ZSWIM5: variants seen among roughly 807,000 people sequenced by gnomAD.
ZSWIM5 encodes zinc finger SWIM domain-containing protein 5.
A neutral mutation model predicts 119.6 loss-of-function variants in ZSWIM5; 55 were observed. That is an observed-to-expected ratio of 0.46 (90% CI 0.37 to 0.58). The LOEUF (loss-of-function observed/expected upper bound fraction) is 0.58, where lower values mean the gene tolerates loss of function less well. Ranked by LOEUF, ZSWIM5 falls within the 20% of genes least tolerant of loss-of-function variation. The pLI is 0.00. For missense variants in ZSWIM5, 1,193 were observed against 1,512.8 expected, an observed-to-expected ratio of 0.79 and a Z score of 3.51; for synonymous variants, 537 against 606.9, an observed-to-expected ratio of 0.88 and a Z score of 1.69.
At chr1:45,032,685 C>T (rs1644960127) in intron 11 of ZSWIM5, among the ~76,000 whole-genome samples, 1 of 151,648 alleles carries the variant, frequency 6.6e-6, no homozygotes, top group Non-Finnish European at 1.5e-5. Flanking sequence ...AGGGGTTTCA[C>T]CATGTTGGCC....
At position 45,113,443 on chromosome 1, in the gene ZSWIM5, A is replaced by G. The variant is rs145710846; in HGVS notation, c.596-25206T>C. ...GGCCTCAAACTCCTGGGCTCAAGCA[A>G]TCCTCCCACCTCAGCCTCCTAAGTA... On this transcript the variant is annotated intron_variant, in intron 1 of 13. Transcript: ENST00000359600. Among the ~76,000 whole-genome samples the G allele has an allele frequency of 7.3e-3, 1,109 of 152,286 alleles. 12 individuals carry two copies. Among genetic ancestry groups the G allele is most frequent in the African/African-American group, 0.026 (1,075 of 41,550 alleles).
rs1350188517 is a variant in ZSWIM5 at position 45,049,644 on chromosome 1, T to C, written c.1432+1430A>G. Among the ~76,000 whole-genome samples the C allele has an allele frequency of 2.6e-5, 4 of 152,218 alleles. No homozygotes were observed. In the East Asian group the frequency reaches 7.8e-4, roughly 30 times the overall value. On this transcript the variant is annotated intron_variant, in intron 5 of 13. Coordinates refer to ENST00000359600, the MANE Select transcript of ZSWIM5 (RefSeq NM_020883.2). Reference sequence around the variant, plus strand: ...GCCTGGCCAATATGGTGAAACCCTGTATCTACTAAATATACAAAAATTAGC... The same window carrying C: ...GCCTGGCCAATATGGTGAAACCCTGCATCTACTAAATATACAAAAATTAGC...
At chr1:45,090,445 T>A (rs527797958) in intron 1 of ZSWIM5, among the ~76,000 whole-genome samples, 1 of 152,116 alleles carries the variant, frequency 6.6e-6, no homozygotes, top group South Asian at 2.1e-4. Flanking sequence ...AGGTAAAGAC[T>A]ACCTTCACTT....
chr1:45,099,697 A>G (rs1437290781), intron 1 of ZSWIM5, among the ~76,000 whole-genome samples: 3 of 152,224 alleles, frequency 2.0e-5, no homozygotes, highest in Non-Finnish European at 4.4e-5. Context: ...AAGCTTATCT[A>G]CCATGATCAA....
chr1:45,155,322 T>C (rs1230231459), intron 1 of ZSWIM5, among the ~76,000 whole-genome samples: 1 of 151,970 alleles, frequency 6.6e-6, no homozygotes, highest in East Asian at 1.9e-4. Flanking sequence ...AAAACCACAA[T>C]GCAATACCAC....
intron 2 of ZSWIM5, among the ~76,000 whole-genome samples, chr1:45,085,107 A>T (rs566007888): frequency 4.3e-4 from 65 of 152,206 alleles, no homozygotes; most frequent in African/African-American, 1.3e-3. Flanking sequence ...TCAACTCTTG[A>T]CCTCTGTGCT....
At chr1:45,102,633 G>A (rs1268596954) in intron 1 of ZSWIM5, among the ~76,000 whole-genome samples, 2 of 152,102 alleles carry the variant, frequency 1.3e-5, no homozygotes, top group Non-Finnish European at 2.9e-5. Context: ...GTGTATGGAT[G>A]AATGAATAAA....
intron 1 of ZSWIM5, among the ~76,000 whole-genome samples, chr1:45,150,666 TCTA>T (rs1201561075): frequency 1.3e-5 from 2 of 152,222 alleles, no homozygotes; most frequent in East Asian, 1.9e-4. Context: ...CATTTACATT[TCTA>T]CTATTACTCT....
chr1:45,199,912 T>G (rs973693549), intron 1 of ZSWIM5, among the ~76,000 whole-genome samples: 1 of 152,178 alleles, frequency 6.6e-6, no homozygotes, highest in Non-Finnish European at 1.5e-5. Flanking sequence ...TTACACGTAA[T>G]AAGTGACTAA....
intron 1 of ZSWIM5, among the ~76,000 whole-genome samples, chr1:45,095,505 A>G (rs1645395665): frequency 6.6e-6 from 1 of 152,162 alleles, no homozygotes; most frequent in Non-Finnish European, 1.5e-5. Context: ...TTTTGTTGTT[A>G]TGTCTCTTAA....
intron 11 of ZSWIM5, among the ~76,000 whole-genome samples, chr1:45,027,416 G>T (rs1644927175): frequency 6.6e-6 from 1 of 150,508 alleles, no homozygotes; most frequent in South Asian, 2.1e-4. Context: ...AATTTTTTTT[G>T]AGGCAGAGTC....
chr1:45,052,765 A>T (rs1645096810), intron 4 of ZSWIM5, among the ~76,000 whole-genome samples: 6 of 152,102 alleles, frequency 3.9e-5, no homozygotes, highest in Admixed American at 2.6e-4. Context: ...GGGAAAAAAA[A>T]AAAAGAAAAA....
chr1:45,129,168 T>TG (rs1356672518), intron 1 of ZSWIM5, among the ~76,000 whole-genome samples: 7 of 145,214 alleles, frequency 4.8e-5, no homozygotes, highest in Admixed American at 3.4e-4. Context: ...TTTTTTTTTT[T>TG]TTTTTTTTTT....
In ZSWIM5 at chr1:45,205,847, G is replaced by T. The variant is rs1285352714; in HGVS notation, c.504C>A (p.Ala168=). 1 of 1,473,170 alleles carries T rather than the reference G, an allele frequency of 6.8e-7. No homozygotes were observed. Among genetic ancestry groups the T allele is most frequent in the Admixed American group, 2.1e-5 (1 of 47,220 alleles). The allele number at this position is 1,473,170 out of a possible 1,614,324, so 91.3% of individuals were successfully genotyped here. A position where few individuals can be genotyped will look rare whatever the true frequency, so the allele number is the denominator to read the frequency against. The change falls in exon 1 of 14, where the codon GCC becomes GCA. Residue 168 remains alanine (A), a synonymous_variant. Coordinates refer to ENST00000359600, the MANE Select transcript of ZSWIM5 (RefSeq NM_020883.2). ...AGASPGLGAG[A]GAAGCGGEGL... is the part of the protein sequence containing the mutation. ...CCTCGCCACCGCAGCCGGCCGCGCC[G>T]GCCCCTGCGCCCAGCCCGGGGGATG...
intron 1 of ZSWIM5, among the ~76,000 whole-genome samples, chr1:45,174,533 G>A (rs888376944): frequency 1.4e-5 from 2 of 145,894 alleles, no homozygotes; most frequent in Non-Finnish European, 3.0e-5. Flanking sequence ...AGGAGTTTGA[G>A]ACCTGCCTGG....
chr1:45,081,893 A>G (rs2149009038), intron 2 of ZSWIM5, among the ~76,000 whole-genome samples: 1 of 152,194 alleles, frequency 6.6e-6, no homozygotes, highest in East Asian at 1.9e-4. Context: ...AAAGGGGGGA[A>G]AGGTGGGGAA....
At chr1:45,080,327 CT>C (rs1645282487) in intron 2 of ZSWIM5, among the ~76,000 whole-genome samples, 1 of 152,148 alleles carries the variant, frequency 6.6e-6, no homozygotes, top group South Asian at 2.1e-4. Context: ...GGCAATTCCT[CT>C]TTGGCTAGGG....
chr1:45,098,945 G>T (rs772509360), intron 1 of ZSWIM5, among the ~76,000 whole-genome samples: 1 of 152,056 alleles, frequency 6.6e-6, no homozygotes, highest in Non-Finnish European at 1.5e-5. Flanking sequence ...AAGAGAAAGC[G>T]GTGAAGATCT....
chr1:45,122,278 T>G (rs923245163), intron 1 of ZSWIM5, among the ~76,000 whole-genome samples: 7 of 152,214 alleles, frequency 4.6e-5, no homozygotes, highest in African/African-American at 1.7e-4. Flanking sequence ...CTTCTTCATA[T>G]GTAAAATGGT....
Sources: allele counts gnomAD v4.1 joint callset (sites outside exome capture counted in the v4.1 genomes callset), GRCh38; gene constraint gnomAD v4.1.1; transcripts MANE v1.5; gene names NCBI Gene and HGNC (gene_info 2026-07-23, HGNC 2026-07-21).